Variants in KIAA1217 observed in about 807,000 individuals in gnomAD.
The protein encoded by KIAA1217 is KIAA1217.
KIAA1217 carries 88 observed loss-of-function variants against 163.9 expected under a neutral mutation model. The observed-to-expected ratio is 0.54, with a 90% CI of 0.45 to 0.64. The LOEUF is 0.64. Among genes scored for constraint, KIAA1217 ranks in the 30% least tolerant of loss-of-function variants. The probability of loss-of-function intolerance (pLI) is 0.00; values close to 1 mark genes in which losing one functional copy is unlikely to be tolerated. For synonymous variants in KIAA1217, 903 were observed against 923.1 expected, an observed-to-expected ratio of 0.98 and a Z score of 0.39; for missense variants, 2,372 against 2,475.0, an observed-to-expected ratio of 0.96 and a Z score of 0.88.
At chr10:24,152,113 T>C (rs1294403089) in intron 2 of KIAA1217, among the ~76,000 whole-genome samples, 1 of 152,110 alleles carries the variant, frequency 6.6e-6, no homozygotes, top group Non-Finnish European at 1.5e-5. Context: ...GCCTCCACTA[T>C]CTTAAGAATG....
chr10:23,740,029 TG>T (rs34058520), intron 1 of KIAA1217, among the ~76,000 whole-genome samples: 1 of 151,452 alleles, frequency 6.6e-6, no homozygotes, highest in Non-Finnish European at 1.5e-5. Flanking sequence ...TTGGTGAAGA[TG>T]GGGGGGTTCC....
At chr10:24,432,863 A>C in intron 3 of KIAA1217, 132 bp from the exon 4 acceptor site, 1 of 652,558 alleles carries the variant, frequency 1.5e-6, no homozygotes, top group Admixed American at 2.8e-5. Context: ...TTCCAAACCT[A>C]GATCTCTTGT....
At chr10:24,261,064 A>G (rs1192493467) in intron 2 of KIAA1217, among the ~76,000 whole-genome samples, 1 of 152,212 alleles carries the variant, frequency 6.6e-6, no homozygotes, top group African/African-American at 2.4e-5. Flanking sequence ...ACGATCCTCA[A>G]TGTCACAGGT....
rs888383812 is a variant in KIAA1217 at position 23,887,560 on chromosome 10, GA to G, written c.-320-119664del. The stretch of plus-strand genomic sequence containing the variant: ...ATTTGTGAACACACACCAGCCTTGA[GA>G]TTTTTTTATATTGTCTATAATAAAG... On this transcript the variant is annotated intron_variant, in intron 1 of 18. Transcript: ENST00000376462. Among the ~76,000 whole-genome samples, 6 of 151,558 alleles carry G rather than the reference GA, an allele frequency of 4.0e-5. 1 individual carries two copies. The highest frequency in any genetic ancestry group is 1.5e-4 in the African/African-American group (6 of 41,310).
At chr10:24,257,969 A>G (rs1409653380) in intron 2 of KIAA1217, among the ~76,000 whole-genome samples, 1 of 152,204 alleles carries the variant, frequency 6.6e-6, no homozygotes, top group Non-Finnish European at 1.5e-5. Context: ...CCACAGAAGC[A>G]GAGAGGGGTT....
intron 3 of KIAA1217, among the ~76,000 whole-genome samples, chr10:24,419,986 A>C (rs2058600443): frequency 6.6e-6 from 1 of 152,104 alleles, no homozygotes; most frequent in South Asian, 2.1e-4. Flanking sequence ...ATGTATCAAT[A>C]ACCCACTGAG....
chr10:24,348,063 T>A (rs918172955), intron 2 of KIAA1217, among the ~76,000 whole-genome samples: 33 of 152,204 alleles, frequency 2.2e-4, no homozygotes, highest in Admixed American at 7.9e-4. Context: ...TAAGATACAA[T>A]TATTCTCATC....
intron 1 of KIAA1217, among the ~76,000 whole-genome samples, chr10:23,947,205 G>C (rs748062578): frequency 2.6e-5 from 4 of 152,142 alleles, no homozygotes; most frequent in Non-Finnish European, 4.4e-5. Flanking sequence ...CATGAGAACA[G>C]ACTAATGCAC....
At chr10:24,229,048 T>A (rs1156885999) in intron 2 of KIAA1217, among the ~76,000 whole-genome samples, 1 of 152,198 alleles carries the variant, frequency 6.6e-6, no homozygotes, top group Admixed American at 6.5e-5. Flanking sequence ...CTACCCTCTG[T>A]TATGTGTGAA....
chr10:24,473,383 C>A lies in KIAA1217; in HGVS notation c.1002C>A (p.Gly334=), dbSNP rs1342752090. ...PPSPSRIPYG[G]TRSMVVPGNA... ...CCCCGTCCAGAATTCCTTATGGGGG[C>A]ACCCGCTCCATGGTTGTTCCTGGCA... The change falls in exon 6 of 21, where the codon GGC becomes GGA. Residue 334 remains glycine, a synonymous_variant. Coordinates refer to ENST00000376454, the MANE Select transcript of KIAA1217 (RefSeq NM_019590.5). The A allele has an allele frequency of 6.2e-7, 1 of 1,612,302 alleles. No individual in the cohort carries two copies. The highest frequency in any genetic ancestry group is 8.5e-7 in the Non-Finnish European group (1 of 1,179,050).
intron 1 of KIAA1217, among the ~76,000 whole-genome samples, chr10:23,835,479 T>A (rs1231916808): frequency 2.0e-5 from 3 of 152,108 alleles, no homozygotes; most frequent in Non-Finnish European, 4.4e-5. Context: ...ACCTGGCAGG[T>A]CTGTGACCTG....
chr10:23,940,740 A>C (rs1164728392), intron 1 of KIAA1217, among the ~76,000 whole-genome samples: 1 of 152,208 alleles, frequency 6.6e-6, no homozygotes, highest in Non-Finnish European at 1.5e-5. Context: ...CATACAATGT[A>C]TATTCTGTGA....
At chr10:23,826,615 C>T (rs1837911351) in intron 1 of KIAA1217, among the ~76,000 whole-genome samples, 1 of 152,148 alleles carries the variant, frequency 6.6e-6, no homozygotes, top group Non-Finnish European at 1.5e-5. Flanking sequence ...CCTCCTGATT[C>T]AAGCTGTGGA....
chr10:24,227,123 G>A (rs1407498276), intron 2 of KIAA1217, among the ~76,000 whole-genome samples: 1 of 146,860 alleles, frequency 6.8e-6, no homozygotes, highest in Non-Finnish European at 1.5e-5. Flanking sequence ...GTCCAACAAA[G>A]AGTAAGAGAG....
chr10:24,244,561 C>CTTT (rs11318420), intron 2 of KIAA1217, among the ~76,000 whole-genome samples: 120 of 84,772 alleles, frequency 1.4e-3, no homozygotes, highest in Non-Finnish European at 1.8e-3. Context: ...TTCTTTCTTT[C>CTTT]TTTTTTTTTT....
At chr10:23,743,796 C>T (rs1173449109) in intron 1 of KIAA1217, among the ~76,000 whole-genome samples, 1 of 152,088 alleles carries the variant, frequency 6.6e-6, no homozygotes, top group East Asian at 1.9e-4. Context: ...AAAATTTGCA[C>T]TGTCTCATAG....
At chr10:23,724,065 T>A (rs907042915) in intron 1 of KIAA1217, among the ~76,000 whole-genome samples, 1 of 152,024 alleles carries the variant, frequency 6.6e-6, no homozygotes, top group Non-Finnish European at 1.5e-5. Flanking sequence ...ACCTAAGAAC[T>A]CACTCACTCC....
At chr10:24,456,170 G>A (rs1018051806) in intron 5 of KIAA1217, among the ~76,000 whole-genome samples, 1 of 152,188 alleles carries the variant, frequency 6.6e-6, no homozygotes. Flanking sequence ...ACAGGCGTGA[G>A]CCACCATGTC....
intron 1 of KIAA1217, among the ~76,000 whole-genome samples, chr10:23,959,693 G>A (rs1844735035): frequency 6.6e-6 from 1 of 152,064 alleles, no homozygotes; most frequent in Non-Finnish European, 1.5e-5. Flanking sequence ...TCCATAGGGA[G>A]GTATGACTGG....
Sources: allele counts gnomAD v4.1 joint callset (sites outside exome capture counted in the v4.1 genomes callset), GRCh38; gene constraint gnomAD v4.1.1; transcripts MANE v1.5; gene names NCBI Gene and HGNC (gene_info 2026-07-23, HGNC 2026-07-21).